NDUFA5: variants seen among roughly 807,000 people sequenced by gnomAD.
The protein encoded by NDUFA5 is NADH:ubiquinone oxidoreductase subunit A5.
In NDUFA5, 11 loss-of-function variants were observed where a neutral mutation model predicts 19.8. The ratio of observed to expected loss-of-function variants is 0.56; its 90% confidence interval spans 0.35 to 0.92. The LOEUF is 0.92. Among genes scored for constraint, NDUFA5 ranks in the 40% least tolerant of loss-of-function variants. NDUFA5 has a pLI of 0.01. For missense variants in NDUFA5, 109 were observed against 134.2 expected (o/e 0.81, Z 0.93); for synonymous variants, 47 against 46.8 (o/e 1.00, Z -0.01).
chr7:123,582,525 T>C, the NDUFA5 span, among the ~76,000 whole-genome samples: 1 of 152,024 alleles, frequency 6.6e-6, no homozygotes, highest in African/African-American at 2.4e-5. Context: ...TCCTGCTCAT[T>C]GTCTGTAGGT....
the NDUFA5 span, among the ~76,000 whole-genome samples, chr7:123,600,673 A>T: frequency 6.6e-6 from 1 of 152,192 alleles, no homozygotes; most frequent in Admixed American, 6.5e-5. Flanking sequence ...AGTGGTTTAA[A>T]CATAAAATAC....
intron 2 of NDUFA5, 143 bp from the exon 3 acceptor site, chr7:123,550,729 T>C (rs185727407): frequency 1.7e-6 from 1 of 589,688 alleles, no homozygotes; most frequent in Admixed American, 3.2e-5. Flanking sequence ...TCTTCTTTGC[T>C]CTGACTTCTT....
the NDUFA5 span, among the ~76,000 whole-genome samples, chr7:123,564,920 CATATATATACACAT>C: frequency 2.7e-5 from 4 of 147,736 alleles, no homozygotes; most frequent in African/African-American, 9.9e-5. Context: ...CACACACACA[CATATATATACACAT>C]ACACACACAA....
the NDUFA5 span, chr7:123,567,153 G>C: frequency 6.7e-6 from 1 of 149,856 alleles, no homozygotes; most frequent in Non-Finnish European, 1.5e-5. Flanking sequence ...TCCTTTTGCA[G>C]AGGGGCAGTG....
chr7:123,558,760 A>G (rs1798645090), upstream of NDUFA5, among the ~76,000 whole-genome samples: 1 of 152,210 alleles, frequency 6.6e-6, no homozygotes, highest in Non-Finnish European at 1.5e-5. Flanking sequence ...GTTGTTTGCC[A>G]TTATACAAAA....
the NDUFA5 span, among the ~76,000 whole-genome samples, chr7:123,599,586 A>T: frequency 2.0e-5 from 3 of 152,172 alleles, no homozygotes; most frequent in Non-Finnish European, 4.4e-5. Flanking sequence ...AAGCTGCCAC[A>T]TTGCTCCCTG....
At chr7:123,590,853 G>T in the NDUFA5 span, among the ~76,000 whole-genome samples, 1 of 152,162 alleles carries the variant, frequency 6.6e-6, no homozygotes, top group African/African-American at 2.4e-5. Context: ...GTGGTAGCTT[G>T]ATGGGGAGGG....
At chr7:123,595,331 C>T in the NDUFA5 span, among the ~76,000 whole-genome samples, 1 of 152,322 alleles carries the variant, frequency 6.6e-6, no homozygotes, top group African/African-American at 2.4e-5. Context: ...ATCCCTTCAA[C>T]ATGGCACATC....
intron 3 of NDUFA5, among the ~76,000 whole-genome samples, chr7:123,547,669 G>A (rs1798185261): frequency 6.6e-6 from 1 of 152,060 alleles, no homozygotes. Context: ...CAGGGAAGCT[G>A]GTCACTGTTA....
At chr7:123,595,572 T>C in the NDUFA5 span, among the ~76,000 whole-genome samples, 3 of 152,204 alleles carry the variant, frequency 2.0e-5, no homozygotes, top group Non-Finnish European at 4.4e-5. Context: ...TTATGTAACA[T>C]TCACCTCACC....
At chr7:123,557,178 A>T in intron 2 of NDUFA5, 1 of 710,650 alleles carries the variant, frequency 1.4e-6, no homozygotes, top group African/African-American at 1.7e-5. Flanking sequence ...GTCAAGGAAA[A>T]AGTCAACAAG....
the NDUFA5 span, among the ~76,000 whole-genome samples, chr7:123,585,526 C>T: frequency 4.6e-5 from 7 of 151,760 alleles, no homozygotes; most frequent in South Asian, 2.1e-4. Context: ...ATAAATAAAA[C>T]GTGTATATAC....
At position 123,545,849 on chromosome 7, in the gene NDUFA5, T is replaced by C. The variant is rs538393623; in HGVS notation, c.184-173A>G. ...CATTTCACCTCTGCTATTTCATTGCTTTTCTGTCTTAATATTGAAAAGTGC... is the reference window on the plus strand; with the variant it reads ...CATTTCACCTCTGCTATTTCATTGCCTTTCTGTCTTAATATTGAAAAGTGC... On this transcript the variant is annotated intron_variant, in intron 3 of 4. Transcript: ENST00000355749. The C allele has an allele frequency of 1.7e-5, 9 of 531,316 alleles. No homozygotes were observed. In the South Asian group the frequency reaches 1.8e-4, roughly 10 times the overall value. The allele number at this position is 531,316 out of a possible 1,614,324, so 32.9% of individuals were successfully genotyped here. A position where few individuals can be genotyped will look rare whatever the true frequency, so the allele number is the denominator to read the frequency against.
the NDUFA5 span, among the ~76,000 whole-genome samples, chr7:123,594,838 T>G: frequency 6.6e-6 from 1 of 152,240 alleles, no homozygotes; most frequent in Admixed American, 6.5e-5. Context: ...CAGGGACGTT[T>G]AAGCCTGCAG....
the NDUFA5 span, among the ~76,000 whole-genome samples, chr7:123,576,485 A>G: frequency 1.3e-5 from 2 of 152,056 alleles, no homozygotes; most frequent in Non-Finnish European, 2.9e-5. Context: ...TATTTGTGCC[A>G]TAGGAATTTC....
At chr7:123,594,580 A>G in the NDUFA5 span, among the ~76,000 whole-genome samples, 1 of 152,174 alleles carries the variant, frequency 6.6e-6, no homozygotes, top group African/African-American at 2.4e-5. Context: ...GGTCCACTCC[A>G]GACCCTGTTT....
chr7:123,549,843 G>C (rs1177583569), intron 3 of NDUFA5, among the ~76,000 whole-genome samples: 1 of 152,124 alleles, frequency 6.6e-6, no homozygotes, highest in Non-Finnish European at 1.5e-5. Flanking sequence ...ACGAAAGATA[G>C]GAATTCTCTT....
the NDUFA5 span, among the ~76,000 whole-genome samples, chr7:123,595,563 TATGTAA>T: frequency 6.6e-6 from 1 of 152,188 alleles, no homozygotes; most frequent in African/African-American, 2.4e-5. Flanking sequence ...TTTTCTTACT[TATGTAA>T]CATTCACCTC....
At chr7:123,577,649 A>G in the NDUFA5 span, among the ~76,000 whole-genome samples, 1 of 152,158 alleles carries the variant, frequency 6.6e-6, no homozygotes, top group Non-Finnish European at 1.5e-5. Flanking sequence ...ATGGTAATAA[A>G]CATAGCAAAC....
Sources: gnomAD v4.1 joint callset for allele counts (sites outside exome capture counted in the v4.1 genomes callset) on GRCh38, gnomAD v4.1.1 for gene constraint, MANE v1.5 for transcripts, NCBI Gene and HGNC (gene_info 2026-07-23, HGNC 2026-07-21) for gene names.